Variants in TAFA4 observed in about 807,000 individuals in gnomAD.
TAFA4 encodes the protein TAFA chemokine like family member 4.
A neutral mutation model predicts 21.1 loss-of-function variants in TAFA4; 20 were observed. The observed-to-expected ratio is 0.95, with a 90% CI of 0.67 to 1.38. The LOEUF (loss-of-function observed/expected upper bound fraction) is 1.38, where lower values mean the gene tolerates loss of function less well. Among genes scored for constraint, TAFA4 ranks in the 40% most tolerant of loss-of-function variants. The pLI is 0.00. For synonymous variants in TAFA4, 71 were observed against 67.4 expected (o/e 1.05, Z -0.26); for missense variants, 211 against 180.9 (o/e 1.17, Z -0.95).
At chr3:68,810,598 A>C (rs536894374) in intron 3 of TAFA4, among the ~76,000 whole-genome samples, 1 of 152,130 alleles carries the variant, frequency 6.6e-6, no homozygotes, top group African/African-American at 2.4e-5. Flanking sequence ...CTGAGATCAA[A>C]CTGCAAGGTG....
rs114315546 is a variant in TAFA4, at chr3:68,802,599, G to A, written c.131-49581C>T. Among the ~76,000 whole-genome samples, 637 of 152,290 alleles carry A rather than the reference G, an allele frequency of 4.2e-3. 2 individuals carry two copies. Among genetic ancestry groups the A allele is most frequent in the African/African-American group, 0.014 (589 of 41,556 alleles). On this transcript the variant is annotated intron_variant, in intron 3 of 5. Coordinates refer to ENST00000295569, the MANE Select transcript of TAFA4 (RefSeq NM_182522.5). ...AATTGTTCTTCATTCTCTGATAGTA[G>A]TTGAGCGGCAGATGGCCTGAAGTTA...
intron 3 of TAFA4, among the ~76,000 whole-genome samples, chr3:68,794,471 C>G (rs1703419639): frequency 6.6e-6 from 1 of 152,182 alleles, no homozygotes; most frequent in Non-Finnish European, 1.5e-5. Context: ...ACAGGGACAG[C>G]TCTAGCCTTC....
At chr3:68,791,217 A>C (rs1703354857) in intron 3 of TAFA4, among the ~76,000 whole-genome samples, 1 of 152,222 alleles carries the variant, frequency 6.6e-6, no homozygotes, top group Non-Finnish European at 1.5e-5. Flanking sequence ...AATCCCTGTA[A>C]ATGTGACCTT....
chr3:68,794,058 T>A (rs908436877), intron 3 of TAFA4, among the ~76,000 whole-genome samples: 1 of 152,172 alleles, frequency 6.6e-6, no homozygotes, highest in Non-Finnish European at 1.5e-5. Context: ...TAAACCCTGA[T>A]TTTTTTCAAA....
chr3:68,766,923 C>G (rs1702865165), intron 3 of TAFA4, among the ~76,000 whole-genome samples: 1 of 152,120 alleles, frequency 6.6e-6, no homozygotes, highest in African/African-American at 2.4e-5. Flanking sequence ...AAAAGTAACA[C>G]TGTATGCTAA....
intron 3 of TAFA4, among the ~76,000 whole-genome samples, chr3:68,857,666 G>A (rs1216017555): frequency 1.3e-5 from 2 of 152,166 alleles, no homozygotes; most frequent in Admixed American, 1.3e-4. Flanking sequence ...CAAGTCCTGA[G>A]ATGAAGACCA....
chr3:68,872,510 A>T (rs7617007), intron 3 of TAFA4, among the ~76,000 whole-genome samples: 1 of 152,122 alleles, frequency 6.6e-6, no homozygotes, highest in East Asian at 1.9e-4. Flanking sequence ...ACTATAGTTA[A>T]CAATAATTTA....
intron 3 of TAFA4, among the ~76,000 whole-genome samples, chr3:68,806,180 A>C (rs1241494699): frequency 6.6e-6 from 1 of 152,140 alleles, no homozygotes; most frequent in Non-Finnish European, 1.5e-5. Context: ...AGTAGTCAGG[A>C]AACAGAAAAA....
chr3:68,763,028 A>T (rs981831673), intron 3 of TAFA4, among the ~76,000 whole-genome samples: 1 of 152,018 alleles, frequency 6.6e-6, no homozygotes, highest in African/African-American at 2.4e-5. Flanking sequence ...ACAGAGCGAG[A>T]CTCCTTTTTT....
At chr3:68,764,826 A>G (rs1304524076) in intron 3 of TAFA4, among the ~76,000 whole-genome samples, 1 of 152,180 alleles carries the variant, frequency 6.6e-6, no homozygotes, top group Non-Finnish European at 1.5e-5. Context: ...TGCTTCTGAG[A>G]GAGCATAGTT....
chr3:68,853,109 G>C (rs992908971), intron 3 of TAFA4, among the ~76,000 whole-genome samples: 1 of 152,032 alleles, frequency 6.6e-6, no homozygotes, highest in African/African-American at 2.4e-5. Flanking sequence ...AAAGTACAAA[G>C]CAATGATTCC....
At chr3:68,887,267 T>C (rs2089682457) in intron 1 of TAFA4, among the ~76,000 whole-genome samples, 1 of 152,180 alleles carries the variant, frequency 6.6e-6, no homozygotes, top group Non-Finnish European at 1.5e-5. Flanking sequence ...GAGAATAATG[T>C]CCTTTGGCTC....
At chr3:68,875,007 G>T (rs2089530145) in intron 3 of TAFA4, among the ~76,000 whole-genome samples, 1 of 152,106 alleles carries the variant, frequency 6.6e-6, no homozygotes, top group South Asian at 2.1e-4. Flanking sequence ...TACAACGGAG[G>T]CTAGTGGAAT....
chr3:68,886,851 G>A (rs533290077), intron 1 of TAFA4, among the ~76,000 whole-genome samples: 1 of 152,252 alleles, frequency 6.6e-6, no homozygotes, highest in South Asian at 2.1e-4. Flanking sequence ...ACAGTTCTAG[G>A]GGCTAGGAAG....
intron 1 of TAFA4, among the ~76,000 whole-genome samples, chr3:68,924,226 GA>G (rs557198751): frequency 6.6e-6 from 1 of 152,034 alleles, no homozygotes; most frequent in Non-Finnish European, 1.5e-5. Flanking sequence ...CCAAAAGGTG[GA>G]AAAAAACAAA....
intron 3 of TAFA4, among the ~76,000 whole-genome samples, chr3:68,830,691 A>C (rs953654134): frequency 6.6e-6 from 1 of 152,190 alleles, no homozygotes; most frequent in African/African-American, 2.4e-5. Flanking sequence ...AGTTCTGTAG[A>C]GGTCTACTAG....
intron 3 of TAFA4, among the ~76,000 whole-genome samples, chr3:68,820,524 A>T (rs190081141): frequency 6.6e-6 from 1 of 152,204 alleles, no homozygotes; most frequent in Admixed American, 6.5e-5. Context: ...AAAAAAAAAT[A>T]AAAAATTAGC....
rs1163439201 is a variant in TAFA4 at position 68,783,673 on chromosome 3, CAGAGAGAGAGAG to C, written c.131-30667_131-30656del. Reference sequence around the variant, plus strand: ...AAGAAAAATCACAGACACACACACACAGAGAGAGAGAGAGAGAGAGAGAGAGAGAGAGAGAAA... The same window carrying C: ...AAGAAAAATCACAGACACACACACACAGAGAGAGAGAGAGAGAGAGAGAAA... On this transcript the variant is annotated intron_variant, in intron 3 of 5. Transcript: ENST00000295569. Among the ~76,000 whole-genome samples the C allele has an allele frequency of 4.6e-5, 4 of 86,190 alleles. No homozygotes were observed. The East Asian group carries it at 1.0e-3, about 22-fold the overall frequency. 56.5% of individuals were successfully genotyped at this position (86,190 alleles called of 152,430 possible). A position where few individuals can be genotyped will look rare whatever the true frequency, so the allele number is the denominator to read the frequency against.
chr3:68,783,702 AG>A (rs1312784267), intron 3 of TAFA4, among the ~76,000 whole-genome samples: 6 of 117,548 alleles, frequency 5.1e-5, no homozygotes, highest in African/African-American at 1.9e-4. Context: ...AGAGAGAGAG[AG>A]AGAGAAAGAA....
Sources: allele counts gnomAD v4.1 joint callset (sites outside exome capture counted in the v4.1 genomes callset), GRCh38; gene constraint gnomAD v4.1.1; transcripts MANE v1.5; gene names NCBI Gene and HGNC (gene_info 2026-07-23, HGNC 2026-07-21).